DPYSL3: variants seen among roughly 807,000 people sequenced by gnomAD.
DPYSL3 encodes the protein dihydropyrimidinase like 3.
Under a neutral mutation model 66.1 loss-of-function variants are expected in DPYSL3, and 16 were observed. The observed-to-expected ratio is 0.24, with a 90% confidence interval of 0.16 to 0.37. DPYSL3 has a LOEUF of 0.37. Among genes scored for constraint, DPYSL3 ranks in the 10% least tolerant of loss-of-function variants. The pLI, the probability that DPYSL3 is intolerant of heterozygous loss-of-function variation, is 1.00. For missense variants in DPYSL3, 738 were observed against 916.2 expected, an observed-to-expected ratio of 0.81 and a Z score of 2.51; for synonymous variants, 338 against 345.1, an observed-to-expected ratio of 0.98 and a Z score of 0.23.
At chr5:147,398,874 G>C (rs553401844) in intron 11 of DPYSL3, among the ~76,000 whole-genome samples, 1 of 152,346 alleles carries the variant, frequency 6.6e-6, no homozygotes, top group East Asian at 1.9e-4. Flanking sequence ...CTCTGTCCCT[G>C]AGTGACTGGA....
chr5:147,408,894 T>C (rs1751783623), intron 6 of DPYSL3, 98 bp from the exon 7 acceptor site: 1 of 1,188,168 alleles, frequency 8.4e-7, no homozygotes, highest in African/African-American at 1.5e-5. Context: ...AGAATAAATA[T>C]GCGTATGTTG....
chr5:147,472,621 T>C (rs1183664158), intron 1 of DPYSL3: 2 of 152,214 alleles, frequency 1.3e-5, no homozygotes, highest in African/African-American at 4.8e-5. Context: ...TGATATCTGC[T>C]CAAAGGCCTA....
At chr5:147,428,014 T>C (rs746496721) in intron 1 of DPYSL3, among the ~76,000 whole-genome samples, 3 of 152,088 alleles carry the variant, frequency 2.0e-5, no homozygotes, top group Admixed American at 6.5e-5. Flanking sequence ...TCAACAAGCA[T>C]GAAATGTCAG....
intron 1 of DPYSL3, among the ~76,000 whole-genome samples, chr5:147,434,897 T>C (rs1283794141): frequency 2.0e-5 from 3 of 152,208 alleles, no homozygotes; most frequent in Admixed American, 1.3e-4. Context: ...GAGTGAGTTC[T>C]AATGTAAACT....
intron 1 of DPYSL3, among the ~76,000 whole-genome samples, chr5:147,430,974 T>C (rs1277101151): frequency 6.6e-6 from 1 of 152,160 alleles, no homozygotes; most frequent in Non-Finnish European, 1.5e-5. Flanking sequence ...AAATCAAATA[T>C]TTTGTTACCT....
intron 7 of DPYSL3, 91 bp downstream of exon 7, chr5:147,408,637 C>A: frequency 7.2e-7 from 1 of 1,394,254 alleles, no homozygotes. Flanking sequence ...AAGAAATGTT[C>A]CAATACTGCA....
intron 1 of DPYSL3, among the ~76,000 whole-genome samples, chr5:147,478,795 T>G (rs1345218168): frequency 6.6e-6 from 1 of 152,140 alleles, no homozygotes; most frequent in Non-Finnish European, 1.5e-5. Context: ...TGTGGGACCT[T>G]GGGGCCCTTT....
At chr5:147,464,330 C>G (rs763105570) in intron 1 of DPYSL3, among the ~76,000 whole-genome samples, 1 of 152,170 alleles carries the variant, frequency 6.6e-6, no homozygotes, top group African/African-American at 2.4e-5. Context: ...GGACCCAACT[C>G]GAAATACACG....
At chr5:147,395,480 G>A in intron 13 of DPYSL3, 79 bp downstream of exon 13, 1 of 1,523,800 alleles carries the variant, frequency 6.6e-7, no homozygotes, top group South Asian at 1.2e-5. Flanking sequence ...GTTGAGTTCT[G>A]AGGAACACCC....
intron 1 of DPYSL3, among the ~76,000 whole-genome samples, chr5:147,501,626 C>G (rs141993976): frequency 6.6e-6 from 1 of 151,944 alleles, no homozygotes; most frequent in African/African-American, 2.4e-5. Flanking sequence ...TTACAGGTGC[C>G]TGCCATCACA....
At chr5:147,461,919 A>C (rs956626147) in intron 1 of DPYSL3, among the ~76,000 whole-genome samples, 1 of 152,170 alleles carries the variant, frequency 6.6e-6, no homozygotes, top group Non-Finnish European at 1.5e-5. Context: ...CCAAGCAGAA[A>C]GCTCCAAAAC....
intron 1 of DPYSL3, among the ~76,000 whole-genome samples, chr5:147,427,808 C>A (rs1581188602): frequency 6.6e-6 from 1 of 152,216 alleles, no homozygotes; most frequent in Non-Finnish European, 1.5e-5. Flanking sequence ...ATAATAATAA[C>A]AATCTTGGTA....
chr5:147,437,549 C>T (rs1487304362), intron 1 of DPYSL3, among the ~76,000 whole-genome samples: 1 of 152,182 alleles, frequency 6.6e-6, no homozygotes, highest in Non-Finnish European at 1.5e-5. Context: ...ACAGAACACT[C>T]AGCTGTGGTG....
At chr5:147,400,569 CTCAGCAAGTACGAGATCCCA>C in intron 10 of DPYSL3, 103 bp downstream of exon 10, 2 of 1,337,038 alleles carry the variant, frequency 1.5e-6, no homozygotes, top group Non-Finnish European at 2.0e-6. Context: ...CCAGAGACAT[CTCAGCAAGTACGAGATCCCA>C]TCTGCACTCG....
chr5:147,444,978 CT>C (rs1220142112), intron 1 of DPYSL3, among the ~76,000 whole-genome samples: 2 of 151,822 alleles, frequency 1.3e-5, no homozygotes, highest in Non-Finnish European at 2.9e-5. Context: ...ACTCTAATGA[CT>C]TTGTAGTTTA....
intron 1 of DPYSL3, among the ~76,000 whole-genome samples, chr5:147,490,485 T>G (rs560333031): frequency 6.6e-6 from 1 of 152,234 alleles, no homozygotes; most frequent in Non-Finnish European, 1.5e-5. Flanking sequence ...TTGTTAGTTA[T>G]GCTTTAGAAC....
intron 1 of DPYSL3, among the ~76,000 whole-genome samples, chr5:147,433,269 G>A (rs1752347335): frequency 6.6e-6 from 1 of 152,160 alleles, no homozygotes; most frequent in African/African-American, 2.4e-5. Context: ...AGAAGGATGA[G>A]ATTACTGGGG....
intron 1 of DPYSL3, among the ~76,000 whole-genome samples, chr5:147,460,424 C>T (rs1752915213): frequency 6.6e-6 from 1 of 152,168 alleles, no homozygotes; most frequent in Non-Finnish European, 1.5e-5. Flanking sequence ...GTGTACCATT[C>T]CCCAAAAGGT....
rs1334532850 is a variant in DPYSL3 at position 147,461,252 on chromosome 5, T to A, written c.382-36289A>T. Among the ~76,000 whole-genome samples, 5 of 152,270 alleles carry A rather than the reference T, an allele frequency of 3.3e-5. No homozygotes were observed. In the East Asian group the frequency reaches 9.7e-4, roughly 29 times the overall value. On this transcript the variant is annotated intron_variant, in intron 1 of 13. Transcript: ENST00000343218. ...AGAGAACCATCTGCATAAAAAAAGA[T>A]TAGGGTTGGGGAGGCCAGTTTCTCA...
Sources: gnomAD v4.1 joint callset for allele counts (sites outside exome capture counted in the v4.1 genomes callset) on GRCh38, gnomAD v4.1.1 for gene constraint, MANE v1.5 for transcripts, NCBI Gene and HGNC (gene_info 2026-07-23, HGNC 2026-07-21) for gene names.